DNAH7: variants seen among roughly 807,000 people sequenced by gnomAD.
DNAH7 encodes dynein axonemal heavy chain 7.
DNAH7 carries 397 observed loss-of-function variants against 444.6 expected under a neutral mutation model. That is an observed-to-expected ratio of 0.89 (90% confidence interval 0.82 to 0.97). The LOEUF (loss-of-function observed/expected upper bound fraction) is 0.97, where lower values mean the gene tolerates loss of function less well. Ranked by LOEUF, DNAH7 falls within the 50% of genes least tolerant of loss-of-function variation. The probability of loss-of-function intolerance (pLI) is 0.00; values close to 1 mark genes in which losing one functional copy is unlikely to be tolerated. For missense variants in DNAH7, 4,902 were observed against 4,800.8 expected, an observed-to-expected ratio of 1.02 and a Z score of -0.62; for synonymous variants, 1,636 against 1,624.4, an observed-to-expected ratio of 1.01 and a Z score of -0.17.
chr2:196,039,177 T>C (rs1696573557), intron 5 of DNAH7, among the ~76,000 whole-genome samples: 1 of 151,880 alleles, frequency 6.6e-6, no homozygotes, highest in African/African-American at 2.4e-5. Flanking sequence ...TCACACACAA[T>C]GAAGTAAAAC....
chr2:195,899,508 G>C lies in DNAH7; in HGVS notation c.4548+774C>G, dbSNP rs144687767. Among the ~76,000 whole-genome samples the C allele has an allele frequency of 5.3e-3, 811 of 152,218 alleles. 7 individuals are homozygous for C. Among genetic ancestry groups the C allele is most frequent in the African/African-American group, 0.018 (766 of 41,530 alleles). ...CCTTTTGTTTATTGCAACAAACAATGACCTGAAGTTATGTCAGGCTAATGT... is the reference window on the plus strand; with the variant it reads ...CCTTTTGTTTATTGCAACAAACAATCACCTGAAGTTATGTCAGGCTAATGT... On this transcript the variant is annotated intron_variant, in intron 28 of 64. Transcript: ENST00000312428.
chr2:196,002,028 GA>G (rs1694068590), intron 10 of DNAH7, among the ~76,000 whole-genome samples, 170 bp from the exon 11 acceptor site: 2 of 152,096 alleles, frequency 1.3e-5, no homozygotes, highest in Non-Finnish European at 2.9e-5. Flanking sequence ...TCACTTCTAG[GA>G]AAAGAAATTT....
At chr2:195,907,110 T>C (rs1429522359) in intron 25 of DNAH7, 101 bp from the exon 26 acceptor site, 1 of 850,920 alleles carries the variant, frequency 1.2e-6, no homozygotes, top group East Asian at 2.7e-5. Context: ...TAATATCCTG[T>C]CAAAGAAATT....
intron 17 of DNAH7, among the ~76,000 whole-genome samples, chr2:195,966,725 G>A (rs1691501908): frequency 6.6e-6 from 1 of 151,968 alleles, no homozygotes; most frequent in Non-Finnish European, 1.5e-5. Context: ...CACAGTTTTT[G>A]TCTTGAAGTC....
intron 57 of DNAH7, among the ~76,000 whole-genome samples, chr2:195,788,190 G>A (rs1013304004): frequency 5.3e-5 from 8 of 152,150 alleles, no homozygotes; most frequent in Admixed American, 3.9e-4. Flanking sequence ...AATAGCAGCC[G>A]CCATCAGGAA....
intron 49 of DNAH7, 45 bp downstream of exon 49, chr2:195,824,210 C>T (rs774964805): frequency 7.2e-6 from 11 of 1,536,206 alleles, no homozygotes; most frequent in Middle Eastern, 1.7e-4. Flanking sequence ...TATATAGTCA[C>T]TAATTACAAA....
chr2:195,942,190 A>T lies in DNAH7; in HGVS notation c.3079-5398T>A, dbSNP rs79181671. Reference sequence around the variant, plus strand: ...CAAAGGTGGGTTAATTTCAAATAGGATGTTCGATGTGAGCCTCTTTATAAA... The same window carrying T: ...CAAAGGTGGGTTAATTTCAAATAGGTTGTTCGATGTGAGCCTCTTTATAAA... On this transcript the variant is annotated intron_variant, in intron 19 of 64. Transcript: ENST00000312428. Among the ~76,000 whole-genome samples, 949 of 152,200 alleles carry T rather than the reference A, an allele frequency of 6.2e-3. 10 individuals carry two copies. Among genetic ancestry groups the T allele is most frequent in the African/African-American group, 0.022 (915 of 41,534 alleles).
In DNAH7 at chr2:195,781,558, A is replaced by T. The variant is rs539115624; in HGVS notation, c.10879-3573T>A. ...TTGGATTGCTTCCCTGTTCCTTGTT[A>T]CAAGAGGGTTGAGACAATGAGCAGC... On this transcript the variant is annotated intron_variant, in intron 58 of 64. Transcript: ENST00000312428. 2.6e-5 allele frequency among the ~76,000 whole-genome samples: 4 copies of T among 152,228 alleles called. No homozygotes were observed. The East Asian group carries it at 7.7e-4, about 29-fold the overall frequency.
intron 12 of DNAH7, among the ~76,000 whole-genome samples, chr2:195,996,664 T>C (rs1026753122): frequency 3.9e-5 from 6 of 151,964 alleles, no homozygotes; most frequent in Non-Finnish European, 7.4e-5. Context: ...GACCTCAGGT[T>C]ATCCACCCGC....
rs530358292 is a variant in DNAH7 at position 195,967,632 on chromosome 2, A to T, written c.2205+2316T>A. On this transcript the variant is annotated intron_variant, in intron 17 of 64. Transcript: ENST00000312428. ...TTTTCATGATATACTATTCTAGGGT[A>T]CAAGTTTTTTCTTTCAGCACTTTAA... 2.0e-5 allele frequency among the ~76,000 whole-genome samples: 3 copies of T among 152,306 alleles called. No homozygotes were observed. In the East Asian group the frequency reaches 5.8e-4, roughly 29 times the overall value.
chr2:195,861,909 C>T lies in DNAH7; in HGVS notation c.7544G>A (p.Arg2515Gln), dbSNP rs546179605. The change falls in exon 42 of 65, where the codon CGA becomes CAA. Residue 2515 changes from arginine (R) to glutamine (Q), a missense_variant. Coordinates refer to ENST00000312428, the MANE Select transcript of DNAH7 (RefSeq NM_018897.3). ...TGACATTTCAATTTCTTCCAAGAAT[C>T]GTGAGGCAACTGCCTGGAGTGCATC... Reference protein sequence around the residue: ...PEDALQAVASRFLEEIEMSEE... With the variant: ...PEDALQAVASQFLEEIEMSEE... 26 of 1,613,854 alleles carry T rather than the reference C, an allele frequency of 1.6e-5. No homozygotes were observed. The highest frequency in any genetic ancestry group is 6.7e-5 in the East Asian group (3 of 44,864).
At chr2:196,046,516 G>A (rs1697137983) in intron 5 of DNAH7, among the ~76,000 whole-genome samples, 1 of 152,130 alleles carries the variant, frequency 6.6e-6, no homozygotes, top group South Asian at 2.1e-4. Flanking sequence ...TTTGATCTGA[G>A]AGTGCTTAAG....
intron 15 of DNAH7, among the ~76,000 whole-genome samples, chr2:195,976,743 CAGACAGAGAG>C (rs1297381237): frequency 5.4e-5 from 1 of 18,350 alleles, no homozygotes; most frequent in African/African-American, 1.2e-4. Context: ...GACAGAGAGG[CAGACAGAGAG>C]AGAGAGAGAG....
chr2:195,916,858 G>A (rs904239544), intron 24 of DNAH7, among the ~76,000 whole-genome samples: 7 of 151,690 alleles, frequency 4.6e-5, no homozygotes, highest in African/African-American at 7.3e-5. Context: ...CCAGCACTTC[G>A]GGAGGTGGAG....
intron 12 of DNAH7, among the ~76,000 whole-genome samples, chr2:195,990,379 C>T (rs1402925271): frequency 6.6e-6 from 1 of 152,054 alleles, no homozygotes; most frequent in Non-Finnish European, 1.5e-5. Flanking sequence ...AAATTAGTTA[C>T]TGGCTGGACA....
At chr2:195,949,072 G>A (rs1004212332) in intron 19 of DNAH7, among the ~76,000 whole-genome samples, 3 of 151,988 alleles carry the variant, frequency 2.0e-5, no homozygotes, top group South Asian at 2.1e-4. Context: ...ATGGGAGTTC[G>A]CTCATGATTT....
chr2:195,865,434 A>T (rs1034288244), intron 40 of DNAH7, among the ~76,000 whole-genome samples: 1 of 152,204 alleles, frequency 6.6e-6, no homozygotes, highest in Non-Finnish European at 1.5e-5. Context: ...ACATTTTGAA[A>T]GTTATTGACA....
At chr2:195,892,149 T>C (rs939079234) in intron 30 of DNAH7, among the ~76,000 whole-genome samples, 10 of 152,190 alleles carry the variant, frequency 6.6e-5, no homozygotes, top group Non-Finnish European at 7.3e-5. Flanking sequence ...ATGGTAAATA[T>C]TATATAGGCT....
chr2:196,001,905 A>G, intron 10 of DNAH7, 47 bp from the exon 11 acceptor site: 1 of 1,474,040 alleles, frequency 6.8e-7, no homozygotes, highest in Non-Finnish European at 9.2e-7. Flanking sequence ...TCAGTGAATT[A>G]CTCCTTTTAT....
Sources: gnomAD v4.1 joint callset for allele counts (sites outside exome capture counted in the v4.1 genomes callset) on GRCh38, gnomAD v4.1.1 for gene constraint, MANE v1.5 for transcripts, NCBI Gene and HGNC (gene_info 2026-07-23, HGNC 2026-07-21) for gene names.